The following GRM7 variants were observed in gnomAD, a reference collection of about 807,000 sequenced individuals.
GRM7 encodes metabotropic glutamate receptor 7.
A neutral mutation model predicts 84.5 loss-of-function variants in GRM7; 35 were observed. The ratio of observed to expected loss-of-function variants is 0.41; its 90% confidence interval spans 0.32 to 0.55. The LOEUF is 0.55. GRM7 is among the 20% of genes least tolerant of loss of function. GRM7 has a pLI of 0.19. For missense variants in GRM7, 1,003 were observed against 1,194.6 expected (o/e 0.84, Z 2.36); for synonymous variants, 487 against 455.1 (o/e 1.07, Z -0.89).
intron 4 of GRM7, among the ~76,000 whole-genome samples, chr3:7,323,691 C>T (rs1228105052): frequency 6.6e-6 from 1 of 152,162 alleles, no homozygotes; most frequent in Non-Finnish European, 1.5e-5. Flanking sequence ...TCAATGGCCA[C>T]ATAACGTGTC....
chr3:7,258,052 A>AT lies in GRM7; in HGVS notation c.737-40623dup, dbSNP rs199571731. Among the ~76,000 whole-genome samples, 153 of 151,196 alleles carry AT rather than the reference A, an allele frequency of 1.0e-3. 1 individual carries two copies. The highest frequency in any genetic ancestry group is 2.3e-3 in the African/African-American group (97 of 41,282). ...AAAAGTGAGGTAGTATTTGCATCATATTTTTTTTTGATTCAGGCTACTCAG... is the reference window on the plus strand; with the variant it reads ...AAAAGTGAGGTAGTATTTGCATCATATTTTTTTTTTGATTCAGGCTACTCAG... On this transcript the variant is annotated intron_variant, in intron 2 of 9. Coordinates refer to ENST00000357716, the MANE Select transcript of GRM7 (RefSeq NM_000844.4).
intron 2 of GRM7, among the ~76,000 whole-genome samples, chr3:7,261,085 G>A (rs571251053): frequency 6.6e-6 from 1 of 152,198 alleles, no homozygotes; most frequent in Non-Finnish European, 1.5e-5. Flanking sequence ...TGTCTAGTTG[G>A]CCAGCTTGCC....
At chr3:7,159,602 G>A (rs1694560556) in intron 2 of GRM7, among the ~76,000 whole-genome samples, 1 of 151,868 alleles carries the variant, frequency 6.6e-6, no homozygotes, top group African/African-American at 2.4e-5. Context: ...AACATCAATC[G>A]AACACCTGAA....
At chr3:7,462,777 G>A (rs1482589498) in intron 7 of GRM7, among the ~76,000 whole-genome samples, 1 of 152,084 alleles carries the variant, frequency 6.6e-6, no homozygotes, top group East Asian at 1.9e-4. Flanking sequence ...CCCATTGTGA[G>A]GTGCACCATA....
At chr3:6,978,229 G>A (rs933968727) in intron 1 of GRM7, among the ~76,000 whole-genome samples, 2 of 150,474 alleles carry the variant, frequency 1.3e-5, no homozygotes, top group Non-Finnish European at 3.0e-5. Flanking sequence ...AGGGAGGCAA[G>A]ATGGTGTAGT....
chr3:6,953,928 G>A (rs150551111), intron 1 of GRM7, among the ~76,000 whole-genome samples: 4 of 152,040 alleles, frequency 2.6e-5, no homozygotes, highest in South Asian at 2.1e-4. Flanking sequence ...CATATAGAAA[G>A]CAATTCATAA....
chr3:7,175,093 A>T (rs905071803), intron 2 of GRM7, among the ~76,000 whole-genome samples: 1 of 152,226 alleles, frequency 6.6e-6, no homozygotes, highest in Non-Finnish European at 1.5e-5. Flanking sequence ...AGAAAAACCA[A>T]GAAAAGTATG....
rs563970139 is a variant in GRM7 at position 7,436,011 on chromosome 3, T to TA, written c.1175-16594dup. ...GCCACCAGGCCCAGCCATGCCCGAC[T>TA]AATTTTTGTATTTTTAGTAGAGACG... On this transcript the variant is annotated intron_variant, in intron 5 of 9. Transcript: ENST00000357716. Among the ~76,000 whole-genome samples the TA allele has an allele frequency of 8.4e-4, 128 of 152,016 alleles. 5 individuals are homozygous for TA. In the South Asian group the frequency reaches 0.026, roughly 30 times the overall value.
chr3:7,156,824 T>C (rs576548347), intron 2 of GRM7, among the ~76,000 whole-genome samples: 38 of 152,122 alleles, frequency 2.5e-4, no homozygotes, highest in Non-Finnish European at 4.4e-4. Flanking sequence ...AACGTGAATT[T>C]TTTTCATTGT....
chr3:7,241,111 C>A (rs1697543934), intron 2 of GRM7, among the ~76,000 whole-genome samples: 1 of 152,138 alleles, frequency 6.6e-6, no homozygotes, highest in African/African-American at 2.4e-5. Context: ...TATATGGTTG[C>A]TGAATTAATT....
chr3:7,125,250 T>TA (rs1176751293), intron 1 of GRM7, among the ~76,000 whole-genome samples: 1 of 152,182 alleles, frequency 6.6e-6, no homozygotes, highest in African/African-American at 2.4e-5. Context: ...AATAGTTTTT[T>TA]ATTAGCTGCA....
chr3:7,390,338 T>C (rs1000055048), intron 4 of GRM7, among the ~76,000 whole-genome samples: 3 of 152,124 alleles, frequency 2.0e-5, no homozygotes, highest in African/African-American at 7.2e-5. Context: ...TTGGGGTTGA[T>C]TGTCTTGTAT....
intron 1 of GRM7, among the ~76,000 whole-genome samples, chr3:7,106,343 T>C (rs1210232848): frequency 1.3e-5 from 2 of 151,884 alleles, no homozygotes; most frequent in Non-Finnish European, 2.9e-5. Context: ...GCAGCCTTTT[T>C]TTTTCTTATT....
In GRM7 at chr3:7,579,016, G is replaced by A. The variant is rs777774323; in HGVS notation, c.2110G>A (p.Ala704Thr). 3.7e-6 allele frequency: 6 copies of A among 1,613,918 alleles called. No individual in the cohort carries two copies. Among genetic ancestry groups the A allele is most frequent in the South Asian group, 1.1e-5 (1 of 91,086 alleles). ...PRLISPTSQL[A>T]ITSSLISVQL... ...ACTCATAAGCCCAACATCACAACTG[G>A]CAATCACTTCCAGTTTAATATCAGT... The change falls in exon 8 of 10, where the codon GCA becomes ACA. Residue 704 changes from alanine (A) to threonine (T), a missense_variant. This residue lies in a region of GRM7 where 910 missense variants were observed against 1,126.0 expected (regional missense o/e 0.81). Coordinates refer to ENST00000357716, the MANE Select transcript of GRM7 (RefSeq NM_000844.4).
chr3:7,523,104 A>G (rs1395206534), intron 7 of GRM7, among the ~76,000 whole-genome samples: 1 of 152,104 alleles, frequency 6.6e-6, no homozygotes, highest in Admixed American at 6.6e-5. Context: ...TATTGTATTT[A>G]GTCTATGGTA....
intron 2 of GRM7, among the ~76,000 whole-genome samples, chr3:7,219,581 T>G (rs908565022): frequency 6.6e-6 from 1 of 152,182 alleles, no homozygotes; most frequent in African/African-American, 2.4e-5. Context: ...GGATTGGAAT[T>G]AGGGACATTA....
chr3:7,568,044 A>C (rs1345127418), intron 7 of GRM7, among the ~76,000 whole-genome samples: 2 of 152,166 alleles, frequency 1.3e-5, no homozygotes, highest in Non-Finnish European at 2.9e-5. Context: ...ACCCTGACTT[A>C]CTTGGGTGAT....
At chr3:7,141,702 C>A in intron 1 of GRM7, among the ~76,000 whole-genome samples, 1 of 150,884 alleles carries the variant, frequency 6.6e-6, no homozygotes, top group African/African-American at 2.4e-5. Flanking sequence ...CTCATAACAG[C>A]TAAAATAGTA....
intron 7 of GRM7, among the ~76,000 whole-genome samples, chr3:7,481,680 G>A (rs1699134355): frequency 6.6e-6 from 1 of 152,142 alleles, no homozygotes; most frequent in Non-Finnish European, 1.5e-5. Context: ...TAATTTGGGG[G>A]AAGAATCCTC....
Sources: gnomAD v4.1 joint callset for allele counts (sites outside exome capture counted in the v4.1 genomes callset) on GRCh38, gnomAD v4.1.1 for gene constraint, gnomAD v4.1.1 regional missense constraint, MANE v1.5 for transcripts, NCBI Gene and HGNC (gene_info 2026-07-23, HGNC 2026-07-21) for gene names.